Variants in PCDHA9 observed in about 807,000 individuals in gnomAD.
PCDHA9 encodes the protein protocadherin alpha 9, also known as protocadherin alpha-9.
Under a neutral mutation model 62.0 loss-of-function variants are expected in PCDHA9, and 62 were observed. The observed-to-expected ratio is 1.00, with a 90% confidence interval of 0.81 to 1.23. The LOEUF is 1.23. PCDHA9 is among the 50% of genes most tolerant of loss of function. The pLI is 0.00. For synonymous variants in PCDHA9, 557 were observed against 567.6 expected (o/e 0.98, Z 0.27); for missense variants, 1,205 against 1,249.8 (o/e 0.96, Z 0.54).
Position 140,850,690 on chromosome 5 carries a change from G to T in PCDHA9, c.2195G>T (p.Cys732Phe), listed in dbSNP as rs2150494322. The change falls in exon 1 of 4, where the codon TGC (cysteine) becomes TTC (phenylalanine). Residue 732 changes from cysteine (C) to phenylalanine (F), a missense_variant. Transcript: ENST00000532602. ...RCSAMPTEGE[C>F]APGKPTLVCS... ...TCGGCGATGCCCACCGAGGGCGAGT[G>T]CGCGCCTGGCAAGCCGACGCTGGTG... 3.1e-6 allele frequency: 5 copies of T among 1,598,402 alleles called. 1 individual carries two copies. In the South Asian group the frequency reaches 5.5e-5, roughly 18 times the overall value.
At chr5:140,856,076 G>T in intron 1 of PCDHA9, 1 of 1,593,874 alleles carries the variant, frequency 6.3e-7, no homozygotes, top group Non-Finnish European at 8.6e-7. Flanking sequence ...CTGCCTGGGG[G>T]TCCAGTGTCT....
intron 3 of PCDHA9, among the ~76,000 whole-genome samples, chr5:140,996,539 A>G (rs1023035245): frequency 2.6e-5 from 4 of 152,170 alleles, no homozygotes; most frequent in South Asian, 4.1e-4. Flanking sequence ...GTGTTTTGAT[A>G]TTATGCTGTC....
chr5:140,959,729 C>T (rs910806194), intron 1 of PCDHA9, among the ~76,000 whole-genome samples: 3 of 152,126 alleles, frequency 2.0e-5, no homozygotes, highest in South Asian at 4.1e-4. Context: ...ATAACATTAT[C>T]TCATCAAAAT....
At chr5:140,968,846 C>T (rs1554231159) in intron 1 of PCDHA9, 1 of 1,614,186 alleles carries the variant, frequency 6.2e-7, no homozygotes. Context: ...CACTCAGAGG[C>T]ATGTTAAGAG....
chr5:140,953,670 T>C (rs2094923970), intron 1 of PCDHA9, among the ~76,000 whole-genome samples: 1 of 152,212 alleles, frequency 6.6e-6, no homozygotes, highest in Non-Finnish European at 1.5e-5. Flanking sequence ...TGGAAGGGTC[T>C]GTTTATTATG....
chr5:140,941,191 T>TTTTTTTTCTTTC (rs1554213809), intron 1 of PCDHA9, among the ~76,000 whole-genome samples: 2 of 93,204 alleles, frequency 2.1e-5, no homozygotes, highest in African/African-American at 7.9e-5. Context: ...GCTTCTTTTT[T>TTTTTTTTCTTTC]TTTCTTTCTT....
In PCDHA9 at chr5:140,928,366, C is replaced by T. The variant is rs73793524; in HGVS notation, c.2395-50583C>T. 1.5e-3 allele frequency: 2,439 copies of T among 1,614,110 alleles called. 35 individuals carry two copies. In the African/African-American group the frequency reaches 0.03, roughly 20 times the overall value. ...GCTGTTGGATGTTATCTCTGAAGGG[C>T]CATCAGCCTCTAGCTTGCTGGCAGT... On this transcript the variant is annotated intron_variant, in intron 1 of 3. Coordinates refer to ENST00000532602, the MANE Select transcript of PCDHA9 (RefSeq NM_031857.2).
chr5:140,911,693 CAAAT>C, intron 1 of PCDHA9, among the ~76,000 whole-genome samples: 1 of 152,156 alleles, frequency 6.6e-6, no homozygotes, highest in East Asian at 1.9e-4. Flanking sequence ...TCAGGAGTGT[CAAAT>C]GAATTTATTT....
Position 140,848,731 on chromosome 5 carries a change from T to C in PCDHA9, c.236T>C (p.Leu79Pro). 6.3e-7 allele frequency: 1 copy of C among 1,592,772 alleles called. No individual in the cohort carries two copies. Among genetic ancestry groups the C allele is most frequent in the Non-Finnish European group, 8.6e-7 (1 of 1,163,516 alleles). The part of the protein sequence containing the change: ...KGRGDLLEVN[L>P]QNGILFVNSR... ...CGCGGGGACCTTCTGGAGGTAAATC[T>C]GCAGAATGGCATTTTGTTTGTGAAT... The change falls in exon 1 of 4, where the codon CTG becomes CCG. Residue 79 changes from leucine to proline, a missense_variant. This residue lies in a region of PCDHA9 where 208 missense variants were observed against 213.2 expected (regional missense o/e 0.98). Transcript: ENST00000532602.
At position 140,969,614 on chromosome 5, in the gene PCDHA9, T is replaced by G. The variant is rs56144348; in HGVS notation, c.2395-9335T>G. The G allele has an allele frequency of 1.3e-3, 977 of 725,126 alleles. 8 individuals are homozygous for G. In the African/African-American group the frequency reaches 0.016, roughly 12 times the overall value. 44.9% of individuals were successfully genotyped at this position (725,126 alleles called of 1,614,324 possible). A position where few individuals can be genotyped will look rare whatever the true frequency, so the allele number is the denominator to read the frequency against. ...AATATTTAATGCTAAAACACAGATT[T>G]GTAGAGAAACAGGACAGGCCTTGGA... On this transcript the variant is annotated intron_variant, in intron 1 of 3. Transcript: ENST00000532602.
At chr5:140,869,433 G>A in intron 1 of PCDHA9, 2 of 1,614,226 alleles carry the variant, frequency 1.2e-6, no homozygotes, top group Non-Finnish European at 1.7e-6. Context: ...AGGTGATCGT[G>A]GACAGGCCGC....
chr5:140,914,772 C>T lies in PCDHA9; in HGVS notation c.2394+63883C>T, dbSNP rs143748722. On this transcript the variant is annotated intron_variant, in intron 1 of 3. Transcript: ENST00000532602. ...ATTTGAGGTTACATGAGGTTTATGA[C>T]TTATCTTATGACCCATTATTTTAAA... Among the ~76,000 whole-genome samples, 1,217 of 151,940 alleles carry T rather than the reference C, an allele frequency of 8.0e-3. 6 individuals are homozygous for T. The highest frequency in any genetic ancestry group is 0.019 in the African/African-American group (786 of 41,464).
rs2150454845 is a variant in PCDHA9 at position 140,849,865 on chromosome 5, A to C, written c.1370A>C (p.Gln457Pro). The change falls in exon 1 of 4, where the codon CAG (glutamine) becomes CCG (proline). Residue 457 changes from glutamine to proline, a missense_variant. Transcript: ENST00000532602. Reference protein sequence around the residue: ...DVNDNAPAFAQSEYTVFVKEN... With the variant: ...DVNDNAPAFAPSEYTVFVKEN... ...AACGACAACGCACCAGCGTTCGCGC[A>C]GTCCGAGTACACGGTGTTCGTGAAG... 1.4e-5 allele frequency: 23 copies of C among 1,598,572 alleles called. 3 individuals carry two copies. The highest frequency in any genetic ancestry group is 1.8e-5 in the Non-Finnish European group (21 of 1,167,972).
At position 141,011,317 on chromosome 5, in the gene PCDHA9, T is replaced by C. The variant is rs1554263417; in HGVS notation, c.*1380T>C. On this transcript the variant is annotated 3_prime_UTR_variant, in exon 4 of 4. Transcript: ENST00000532602. ...TAACACTCTGAATTGCTAATCTTAC[T>C]AACACCTATGATGTTACCTGAAATC... 1 of 153,818 alleles carries C rather than the reference T, an allele frequency of 6.5e-6. No homozygotes were observed. The highest frequency in any genetic ancestry group is 2.4e-5 in the African/African-American group (1 of 41,470). 9.5% of individuals were successfully genotyped at this position (153,818 alleles called of 1,614,324 possible).
intron 1 of PCDHA9, chr5:140,882,514 C>T: frequency 2.5e-6 from 4 of 1,614,150 alleles, no homozygotes; most frequent in Non-Finnish European, 3.4e-6. Context: ...TGCAGAATGG[C>T]ATTTTGTTTG....
intron 1 of PCDHA9, among the ~76,000 whole-genome samples, chr5:140,930,773 TA>T (rs1192170091): frequency 6.6e-6 from 1 of 152,226 alleles, no homozygotes; most frequent in East Asian, 1.9e-4. Flanking sequence ...CTGTACTTAA[TA>T]TTTTCACAAT....
intron 1 of PCDHA9, chr5:140,882,600 A>G: frequency 6.2e-7 from 1 of 1,614,252 alleles, no homozygotes; most frequent in East Asian, 2.2e-5. Context: ...GTGATCGTGG[A>G]CAGGCCTCTG....
intron 1 of PCDHA9, chr5:140,884,589 C>G: frequency 1.9e-6 from 3 of 1,614,146 alleles, no homozygotes; most frequent in Admixed American, 3.3e-5. Context: ...GCCTTCAGTC[C>G]CAGCCTTCCT....
chr5:140,993,291 C>A (rs961103629), intron 3 of PCDHA9, among the ~76,000 whole-genome samples: 6 of 152,068 alleles, frequency 3.9e-5, no homozygotes, highest in African/African-American at 1.4e-4. Flanking sequence ...CCCAGGGTCA[C>A]AACCTTGCCT....
Sources: gnomAD v4.1 joint callset for allele counts (sites outside exome capture counted in the v4.1 genomes callset) on GRCh38, gnomAD v4.1.1 for gene constraint, gnomAD v4.1.1 regional missense constraint, MANE v1.5 for transcripts, NCBI Gene and HGNC (gene_info 2026-07-23, HGNC 2026-07-21) for gene names.